PRKN: variants seen among roughly 807,000 people sequenced by gnomAD.
PRKN encodes the protein parkin RBR E3 ubiquitin protein ligase, also known as E3 ubiquitin-protein ligase parkin.
A neutral mutation model predicts 59.5 loss-of-function variants in PRKN; 56 were observed. That is an observed-to-expected ratio of 0.94 (90% confidence interval 0.76 to 1.18). The LOEUF (loss-of-function observed/expected upper bound fraction) is 1.18. Among genes scored for constraint, PRKN ranks in the 50% most tolerant of loss-of-function variants. The pLI is 0.00. For missense variants in PRKN, 657 were observed against 596.4 expected (o/e 1.10, Z -1.06); for synonymous variants, 250 against 222.1 (o/e 1.13, Z -1.12).
In PRKN at chr6:161,372,825, A is replaced by ATTTTTTTTTTTTTTTTTTTTTTTTTTTTT; in HGVS notation, c.1168-12621_1168-12620insAAAAAAAAAAAAAAAAAAAAAAAAAAAAA. Among the ~76,000 whole-genome samples the ATTTTTTTTTTTTTTTTTTTTTTTTTTTTT allele has an allele frequency of 8.7e-6, 1 of 114,440 alleles. No homozygotes were observed. Among genetic ancestry groups the ATTTTTTTTTTTTTTTTTTTTTTTTTTTTT allele is most frequent in the Non-Finnish European group, 1.8e-5 (1 of 55,730 alleles). The allele number at this position is 114,440 out of a possible 152,430, so 75.1% of individuals were successfully genotyped here. ...TGGTCAACAAAGACAGAGAGACCCT[A>ATTTTTTTTTTTTTTTTTTTTTTTTTTTTT]TTTTTTTTTTTTTTTTTTTTTTGAG... On this transcript the variant is annotated intron_variant, in intron 10 of 11. Transcript: ENST00000366898. The surrounding 1 kb of genome is among the most constrained non-coding windows in gnomAD (Gnocchi z 4.2).
Position 161,466,860 on chromosome 6 carries a change from T to C in PRKN, c.1084-79983A>G, listed in dbSNP as rs532316277. Among the ~76,000 whole-genome samples the C allele has an allele frequency of 3.9e-5, 6 of 152,364 alleles. No individual in the cohort carries two copies. The highest frequency in any genetic ancestry group is 1.4e-4 in the African/African-American group (6 of 41,596). Reference sequence around the variant, plus strand: ...GTTCTCAGATGGGCATACAAGCTTTTTCCTTTCTGGGACAGTCACACGAAG... The same window carrying C: ...GTTCTCAGATGGGCATACAAGCTTTCTCCTTTCTGGGACAGTCACACGAAG... On this transcript the variant is annotated intron_variant, in intron 9 of 11. Transcript: ENST00000366898. This position sits in a 1 kb window ranked among gnomAD's most constrained non-coding sequence, Gnocchi z 5.0.
At chr6:162,366,525 G>A (rs1179488579) in intron 2 of PRKN, among the ~76,000 whole-genome samples, 2 of 152,208 alleles carry the variant, frequency 1.3e-5, no homozygotes, top group African/African-American at 2.4e-5. Flanking sequence ...ATAGAAACTT[G>A]CCTGATTTCT....
chr6:162,395,514 C>T (rs73033866), intron 2 of PRKN, among the ~76,000 whole-genome samples: 10,716 of 152,242 alleles, frequency 0.07, 739 homozygotes, highest in East Asian at 0.38. Context: ...CATCTAACTG[C>T]CATTGCATGA....
At chr6:162,712,073 G>T (rs952140820) in intron 1 of PRKN, among the ~76,000 whole-genome samples, 1 of 152,166 alleles carries the variant, frequency 6.6e-6, no homozygotes. Context: ...GAGACAAGTT[G>T]ACTAGTTTGG....
At chr6:161,965,911 G>A (rs1780561134) in intron 6 of PRKN, among the ~76,000 whole-genome samples, 2 of 152,006 alleles carry the variant, frequency 1.3e-5, no homozygotes, top group Non-Finnish European at 2.9e-5. Flanking sequence ...GAGGACAAAT[G>A]TCTCCTATTC....
chr6:161,819,918 A>G (rs1326970681), intron 6 of PRKN, among the ~76,000 whole-genome samples: 1 of 152,216 alleles, frequency 6.6e-6, no homozygotes, highest in African/African-American at 2.4e-5. Context: ...CATAATATCC[A>G]AAACAGCATA....
At chr6:162,279,237 C>T (rs1442678178) in intron 2 of PRKN, among the ~76,000 whole-genome samples, 2 of 151,890 alleles carry the variant, frequency 1.3e-5, no homozygotes, top group East Asian at 3.9e-4. Context: ...ACTTGGGAGG[C>T]TGAGGCAAGA....
At chr6:162,452,939 T>C (rs1166216648) in intron 1 of PRKN, among the ~76,000 whole-genome samples, 1 of 152,072 alleles carries the variant, frequency 6.6e-6, no homozygotes, top group East Asian at 1.9e-4. Context: ...GGGATGACAA[T>C]ATTATTAATA....
chr6:162,279,688 C>A (rs1053794077), intron 2 of PRKN, among the ~76,000 whole-genome samples: 1 of 152,096 alleles, frequency 6.6e-6, no homozygotes, highest in East Asian at 1.9e-4. Context: ...TCTATTAGGA[C>A]CGCTTGGTCT....
intron 3 of PRKN, 101 bp downstream of exon 3, chr6:162,262,424 G>C (rs750630486): frequency 7.1e-7 from 1 of 1,415,808 alleles, no homozygotes; most frequent in Non-Finnish European, 9.9e-7. Context: ...AATCCAAAAC[G>C]TATCATAAAC....
chr6:161,453,713 C>T lies in PRKN; in HGVS notation c.1084-66836G>A, dbSNP rs530329073. Among the ~76,000 whole-genome samples the T allele has an allele frequency of 5.6e-5, 8 of 142,442 alleles. No homozygotes were observed. In the East Asian group the frequency reaches 1.6e-3, roughly 29 times the overall value. The allele number at this position is 142,442 out of a possible 152,430, so 93.4% of individuals were successfully genotyped here. The stretch of plus-strand genomic sequence containing the variant: ...CTCCAACTAATGCACAACGGTCGGT[C>T]CATCCCTCCCTCCCTCCCTCCCTCC... On this transcript the variant is annotated intron_variant, in intron 9 of 11. Transcript: ENST00000366898.
Position 161,348,371 on chromosome 6 carries a change from GCTT to G in PRKN, c.*1725_*1727del, listed in dbSNP as rs1582951458. On this transcript the variant is annotated 3_prime_UTR_variant, in exon 12 of 12. Coordinates refer to ENST00000366898, the MANE Select transcript of PRKN (RefSeq NM_004562.3). This position sits in a 1 kb window ranked among gnomAD's most constrained non-coding sequence, Gnocchi z 4.9. ...TGATCTGTCCACCATTTCTATGTGAGCTTTGGGCTTCCTGTCACAGGTCTGTTG... is the reference window on the plus strand; with the variant it reads ...TGATCTGTCCACCATTTCTATGTGAGTGGGCTTCCTGTCACAGGTCTGTTG... 4.6e-6 allele frequency: 1 copy of G among 218,824 alleles called. No homozygotes were observed. Among genetic ancestry groups the G allele is most frequent in the East Asian group, 6.6e-5 (1 of 15,086 alleles). The allele number at this position is 218,824 out of a possible 1,614,324, so 13.6% of individuals were successfully genotyped here.
At chr6:162,393,241 C>A (rs550432523) in intron 2 of PRKN, among the ~76,000 whole-genome samples, 22 of 146,812 alleles carry the variant, frequency 1.5e-4, no homozygotes, top group Non-Finnish European at 2.2e-4. Context: ...CTCACTGCAA[C>A]CTCCACCTCC....
intron 7 of PRKN, among the ~76,000 whole-genome samples, chr6:161,626,763 TAA>T (rs1315133681): frequency 6.6e-6 from 1 of 152,144 alleles, no homozygotes; most frequent in African/African-American, 2.4e-5. Context: ...GAGGGTACTG[TAA>T]AGAGTCAGCA....
chr6:162,022,466 T>C (rs1783243739), intron 5 of PRKN, among the ~76,000 whole-genome samples: 1 of 152,238 alleles, frequency 6.6e-6, no homozygotes, highest in Admixed American at 6.5e-5. Context: ...GTTGGCTGCC[T>C]ATATGTCTTC....
intron 4 of PRKN, among the ~76,000 whole-genome samples, chr6:162,121,505 T>C (rs1237520707): frequency 1.3e-5 from 2 of 152,232 alleles, no homozygotes; most frequent in African/African-American, 4.8e-5. Context: ...AAGAAATGTG[T>C]AAGGCTACCA....
At chr6:161,785,019 T>C (rs1475598448) in intron 7 of PRKN, among the ~76,000 whole-genome samples, 1 of 152,200 alleles carries the variant, frequency 6.6e-6, no homozygotes, top group Non-Finnish European at 1.5e-5. Context: ...AAAGGTCACC[T>C]ATTGTACGAT....
At chr6:162,018,338 TAGAC>T (rs1289120996) in intron 5 of PRKN, among the ~76,000 whole-genome samples, 1 of 152,192 alleles carries the variant, frequency 6.6e-6, no homozygotes, top group Non-Finnish European at 1.5e-5. Context: ...TAATAACTTT[TAGAC>T]AGACAAAGTC....
At chr6:161,858,870 T>TTTTTTTTTTTC (rs1193676600) in intron 6 of PRKN, among the ~76,000 whole-genome samples, 1 of 139,104 alleles carries the variant, frequency 7.2e-6, no homozygotes, top group Non-Finnish European at 1.6e-5. Flanking sequence ...TTTTTTTTTT[T>TTTTTTTTTTTC]TTTTTTTTGA....
Sources: gnomAD v4.1 joint callset for allele counts (sites outside exome capture counted in the v4.1 genomes callset) on GRCh38, gnomAD v4.1.1 for gene constraint, Gnocchi (gnomAD v3.1) non-coding constraint, MANE v1.5 for transcripts, NCBI Gene and HGNC (gene_info 2026-07-23, HGNC 2026-07-21) for gene names.